The following CRB1 variants were observed in gnomAD, a reference collection of about 807,000 sequenced individuals.
CRB1 encodes protein crumbs homolog 1.
In CRB1, 83 loss-of-function variants were observed where a neutral mutation model predicts 120.0. That is an observed-to-expected ratio of 0.69 (90% CI 0.58 to 0.83). The LOEUF (loss-of-function observed/expected upper bound fraction) is 0.83. CRB1 is among the 40% of genes least tolerant of loss of function. The pLI is 0.00. For synonymous variants in CRB1, 625 were observed against 612.5 expected (o/e 1.02, Z -0.30); for missense variants, 1,699 against 1,687.6 (o/e 1.01, Z -0.12).
chr1:197,395,754 T>C (rs571371845), intron 5 of CRB1, among the ~76,000 whole-genome samples: 514 of 152,256 alleles, frequency 3.4e-3, no homozygotes, highest in Non-Finnish European at 5.1e-3. Flanking sequence ...ATCTATGTGA[T>C]CATCTCCATA....
At chr1:197,285,867 A>G (rs995544387) in intron 1 of CRB1, among the ~76,000 whole-genome samples, 17 of 151,920 alleles carry the variant, frequency 1.1e-4, no homozygotes, top group African/African-American at 3.9e-4. Context: ...TTCTCAATAA[A>G]TATTAATTTT....
chr1:197,429,784 C>A (rs1365170594), intron 8 of CRB1, among the ~76,000 whole-genome samples, 170 bp downstream of exon 8: 1 of 152,146 alleles, frequency 6.6e-6, no homozygotes. Context: ...CTCATCCTGC[C>A]CTTGGTGGCT....
chr1:197,389,101 A>C (rs1211487492), intron 5 of CRB1, among the ~76,000 whole-genome samples: 1 of 152,116 alleles, frequency 6.6e-6, no homozygotes, highest in Non-Finnish European at 1.5e-5. Context: ...ACCCTTGTGC[A>C]TTGCTGTTGG....
At chr1:197,392,002 A>C (rs1476102686) in intron 5 of CRB1, among the ~76,000 whole-genome samples, 1 of 152,006 alleles carries the variant, frequency 6.6e-6, no homozygotes, top group Admixed American at 6.6e-5. Flanking sequence ...GAATGTATTC[A>C]AGAAACTATG....
At chr1:197,396,496 C>A (rs959020068) in intron 5 of CRB1, among the ~76,000 whole-genome samples, 4 of 151,338 alleles carry the variant, frequency 2.6e-5, no homozygotes, top group Non-Finnish European at 4.4e-5. Context: ...GTATGGAAAG[C>A]CAAAGGAAAT....
chr1:197,226,749 A>G, the CRB1 span, among the ~76,000 whole-genome samples: 1 of 152,170 alleles, frequency 6.6e-6, no homozygotes. Context: ...TGCTGTAAAG[A>G]TAAACTCAAG....
intron 5 of CRB1, among the ~76,000 whole-genome samples, chr1:197,393,948 T>A (rs1662639814): frequency 6.6e-6 from 1 of 152,120 alleles, no homozygotes; most frequent in Non-Finnish European, 1.5e-5. Flanking sequence ...AGTTTTAGAA[T>A]CTCCCTATAT....
At chr1:197,385,789 A>G (rs1468053296) in intron 5 of CRB1, among the ~76,000 whole-genome samples, 1 of 152,060 alleles carries the variant, frequency 6.6e-6, no homozygotes, top group African/African-American at 2.4e-5. Flanking sequence ...CACTTTAGGT[A>G]TGAAAATACA....
intron 7 of CRB1, 122 bp from the exon 8 acceptor site, chr1:197,429,327 G>C: frequency 7.2e-7 from 1 of 1,391,146 alleles, no homozygotes; most frequent in South Asian, 1.2e-5. Flanking sequence ...GATCTTAAAA[G>C]TTTAAAATGT....
At chr1:197,338,266 T>C (rs1356826968) in intron 2 of CRB1, among the ~76,000 whole-genome samples, 1 of 152,072 alleles carries the variant, frequency 6.6e-6, no homozygotes, top group Non-Finnish European at 1.5e-5. Flanking sequence ...TCGTTTAACT[T>C]GGGAAAATAA....
intron 5 of CRB1, among the ~76,000 whole-genome samples, chr1:197,418,408 C>A (rs1664112864): frequency 6.6e-6 from 1 of 152,176 alleles, no homozygotes; most frequent in Non-Finnish European, 1.5e-5. Flanking sequence ...ATCCATCAAA[C>A]ATTTAATCAT....
At position 197,284,142 on chromosome 1, in the gene CRB1, TCTTAA is replaced by T. The variant is rs199867993; in HGVS notation, c.70+15664_70+15668del. ...AATGAATGTGTGACACTCTATGACG[TCTTAA>T]CTTGATTTGATTTATAGTCAGACTT... On this transcript the variant is annotated intron_variant, in intron 1 of 11. Transcript: ENST00000367400. Among the ~76,000 whole-genome samples the T allele has an allele frequency of 1.7e-3, 256 of 152,002 alleles. 1 individual carries two copies. The highest frequency in any genetic ancestry group is 5.9e-3 in the African/African-American group (244 of 41,516).
At chr1:197,365,502 G>C (rs147650539) in intron 5 of CRB1, among the ~76,000 whole-genome samples, 558 of 152,122 alleles carry the variant, frequency 3.7e-3, no homozygotes, top group African/African-American at 0.011. Context: ...CTCTGGGGAG[G>C]GGGGGAGAAG....
chr1:197,341,676 G>A (rs1003585155), intron 2 of CRB1, among the ~76,000 whole-genome samples: 1 of 152,132 alleles, frequency 6.6e-6, no homozygotes, highest in Non-Finnish European at 1.5e-5. Flanking sequence ...TCTACCTATA[G>A]TCTCTTCTCA....
intron 1 of CRB1, among the ~76,000 whole-genome samples, chr1:197,287,480 G>T (rs1318619200): frequency 6.6e-6 from 1 of 151,772 alleles, no homozygotes; most frequent in Non-Finnish European, 1.5e-5. Flanking sequence ...ATCTAAAATA[G>T]GTCAACGGTA....
intron 4 of CRB1, among the ~76,000 whole-genome samples, chr1:197,354,333 G>A (rs992388131): frequency 1.3e-5 from 2 of 152,224 alleles, no homozygotes; most frequent in Non-Finnish European, 2.9e-5. Context: ...AGACAGCCAT[G>A]TATAATTGTG....
intron 5 of CRB1, among the ~76,000 whole-genome samples, chr1:197,410,811 C>T (rs1330031465): frequency 2.6e-5 from 4 of 152,286 alleles, no homozygotes; most frequent in African/African-American, 9.6e-5. Flanking sequence ...TCTTAAATTT[C>T]GATGATAATA....
rs117218379 is a variant in CRB1, at chr1:197,333,781, C to G, written c.652+4778C>G. On this transcript the variant is annotated intron_variant, in intron 2 of 11. Coordinates refer to ENST00000367400, the MANE Select transcript of CRB1 (RefSeq NM_201253.3). ...TAGAAGACTAGTTAGTTCATGGAGA[C>G]TAGTTAGGAGGCCATTGTGATAACC... is the stretch of plus-strand genomic sequence containing the variant. 6.1e-4 allele frequency among the ~76,000 whole-genome samples: 93 copies of G among 152,230 alleles called. No homozygotes were observed. In the East Asian group the frequency reaches 0.017, roughly 28 times the overall value.
intron 3 of CRB1, among the ~76,000 whole-genome samples, chr1:197,346,370 C>A (rs1659775282): frequency 6.6e-6 from 1 of 151,778 alleles, no homozygotes; most frequent in Non-Finnish European, 1.5e-5. Flanking sequence ...CACTAGTCAG[C>A]CAGCCAAGCC....
Sources: allele counts gnomAD v4.1 joint callset (sites outside exome capture counted in the v4.1 genomes callset), GRCh38; gene constraint gnomAD v4.1.1; transcripts MANE v1.5; gene names NCBI Gene and HGNC (gene_info 2026-07-23, HGNC 2026-07-21).